ZNF8: variants seen among roughly 807,000 people sequenced by gnomAD.
The protein encoded by ZNF8 is zinc finger protein 272.
A neutral mutation model predicts 12.2 loss-of-function variants in ZNF8; 9 were observed. The observed-to-expected ratio is 0.73, with a 90% CI of 0.44 to 1.28. The LOEUF (loss-of-function observed/expected upper bound fraction) is 1.28. ZNF8 is among the 50% of genes most tolerant of loss of function. The probability of loss-of-function intolerance (pLI) is 0.00; values close to 1 mark genes in which losing one functional copy is unlikely to be tolerated. For synonymous variants in ZNF8, 274 were observed against 282.3 expected, an observed-to-expected ratio of 0.97 and a Z score of 0.30; for missense variants, 664 against 729.1, an observed-to-expected ratio of 0.91 and a Z score of 1.03.
chr19:58,279,081 C>T lies in ZNF8; in HGVS notation c.-1C>T. 1 of 1,515,486 alleles carries T rather than the reference C, an allele frequency of 6.6e-7. No individual in the cohort carries two copies. Among genetic ancestry groups the T allele is most frequent in the Non-Finnish European group, 8.9e-7 (1 of 1,125,592 alleles). The allele number at this position is 1,515,486 out of a possible 1,614,324, so 93.9% of individuals were successfully genotyped here. The stretch of plus-strand genomic sequence containing the variant: ...CGCTGTCCTTCACTGGGCGATCCAG[C>T]ATGGACCCCGAGGACGAAGGGGTAG... On this transcript the variant is annotated 5_prime_UTR_variant, in exon 1 of 4. Coordinates refer to ENST00000621650, the MANE Select transcript of ZNF8 (RefSeq NM_021089.3).
chr19:58,288,636 TTG>T (rs1309942257), intron 3 of ZNF8, among the ~76,000 whole-genome samples: 1 of 152,178 alleles, frequency 6.6e-6, no homozygotes, highest in African/African-American at 2.4e-5. Flanking sequence ...TTGCTGTGGC[TTG>T]TGTGTTGGTA....
At position 58,286,156 on chromosome 19, in the gene ZNF8, G is replaced by A; in HGVS notation, c.240G>A (p.Gly80=). ...KPEVISQLEQ[G]TELWVAERGT... is the part of the protein sequence containing the mutation. The stretch of plus-strand genomic sequence containing the variant: ...AAGTCATCTCCCAGCTGGAGCAAGG[G>A]ACCGAGCTATGGGTGGCTGAGAGAG... Residue 80 remains glycine, a synonymous_variant, in exon 3 of 4, where the codon GGG becomes GGA. Transcript: ENST00000621650. The A allele has an allele frequency of 6.2e-7, 1 of 1,614,068 alleles. No homozygotes were observed. Among genetic ancestry groups the A allele is most frequent in the Non-Finnish European group, 8.5e-7 (1 of 1,180,020 alleles).
Position 58,294,551 on chromosome 19 carries a change from C to G in ZNF8, c.743C>G (p.Thr248Arg). 6.2e-7 allele frequency: 1 copy of G among 1,614,126 alleles called. No homozygotes were observed. Among genetic ancestry groups the G allele is most frequent in the Non-Finnish European group, 8.5e-7 (1 of 1,180,018 alleles). The change falls in exon 4 of 4, where the codon ACA becomes AGA. Residue 248 changes from threonine to arginine, a missense_variant. Around this residue, in one of 3 missense-constraint regions of ZNF8, gnomAD observed 306 missense variants for 308.7 expected, o/e 0.99. Coordinates refer to ENST00000621650, the MANE Select transcript of ZNF8 (RefSeq NM_021089.3). This position sits in a 1 kb window ranked among gnomAD's most constrained non-coding sequence, Gnocchi z 5.5. ...CAGGCCATTCCAATTACGGAACTCA[C>G]AAAAAGCCAGGTGCAGGACAAACCC... The part of the protein sequence containing the change: ...SSQAIPITEL[T>R]KSQVQDKPYK...
At chr19:58,290,762 G>A (rs1269306707) in intron 3 of ZNF8, among the ~76,000 whole-genome samples, 7 of 152,072 alleles carry the variant, frequency 4.6e-5, no homozygotes, top group East Asian at 1.9e-4. Context: ...AAAAATAAAG[G>A]AAAAGAGGCC....
At chr19:58,290,372 C>T (rs990584777) in intron 3 of ZNF8, among the ~76,000 whole-genome samples, 1 of 151,848 alleles carries the variant, frequency 6.6e-6, no homozygotes, top group Non-Finnish European at 1.5e-5. Flanking sequence ...CCTTGGCCTC[C>T]CAAAGTGCTG....
chr19:58,283,502 G>A (rs1354873304), intron 1 of ZNF8, among the ~76,000 whole-genome samples: 1 of 151,714 alleles, frequency 6.6e-6, no homozygotes, highest in Non-Finnish European at 1.5e-5. Flanking sequence ...GCCATGTGAT[G>A]CCCTCCACCA....
In ZNF8 at chr19:58,295,020, G is replaced by A. The variant is rs111767827; in HGVS notation, c.1212G>A (p.Lys404=). 2.7e-5 allele frequency: 44 copies of A among 1,614,094 alleles called. No homozygotes were observed. The African/African-American group carries it at 4.0e-4, about 15-fold the overall frequency. ...CCTACGAGTGTAACCACTGCGGGAA[G>A]GGCTTCAGGCACAGCTCATCCCTGG... is the stretch of plus-strand genomic sequence containing the variant. ...ERPYECNHCG[K]GFRHSSSLAQ... is the part of the protein sequence containing the mutation. Residue 404 remains lysine (K), a synonymous_variant, in exon 4 of 4, where the codon AAG becomes AAA. Transcript: ENST00000621650.
chr19:58,283,784 A>G (rs1352726519), intron 1 of ZNF8, among the ~76,000 whole-genome samples: 2 of 151,564 alleles, frequency 1.3e-5, no homozygotes, highest in African/African-American at 4.8e-5. Flanking sequence ...TATTTTTAGT[A>G]GAGACAGGGT....
chr19:58,282,980 C>CT (rs112317260), intron 1 of ZNF8, among the ~76,000 whole-genome samples: 40,483 of 146,378 alleles, frequency 0.28, 5,997 homozygotes, highest in African/African-American at 0.4. Context: ...TTTTTCTCTT[C>CT]TTTTTTTTTT....
chr19:58,297,225 T>A lies in ZNF8; in HGVS notation c.*1689T>A, dbSNP rs1347694726. On this transcript the variant is annotated 3_prime_UTR_variant, in exon 4 of 4. Coordinates refer to ENST00000621650, the MANE Select transcript of ZNF8 (RefSeq NM_021089.3). ...TCCAGCCTGGGTGACAGAGCAAGACTCTGTCTCAGAAAAAAAAAAGAAAAG... is the reference window on the plus strand; with the variant it reads ...TCCAGCCTGGGTGACAGAGCAAGACACTGTCTCAGAAAAAAAAAAGAAAAG... The A allele has an allele frequency of 7.0e-6, 1 of 142,484 alleles. No homozygotes were observed. The highest frequency in any genetic ancestry group is 1.5e-5 in the Non-Finnish European group (1 of 64,680). The allele number at this position is 142,484 out of a possible 1,614,324, so 8.8% of individuals were successfully genotyped here. A position where few individuals can be genotyped will look rare whatever the true frequency, so the allele number is the denominator to read the frequency against.
intron 3 of ZNF8, among the ~76,000 whole-genome samples, chr19:58,291,827 G>A (rs1225720761): frequency 6.6e-6 from 1 of 152,196 alleles, no homozygotes; most frequent in Non-Finnish European, 1.5e-5. Flanking sequence ...CAGATGTCTG[G>A]GGATGAGGGT....
chr19:58,284,044 G>C (rs2051367655), intron 1 of ZNF8, among the ~76,000 whole-genome samples: 1 of 151,972 alleles, frequency 6.6e-6, no homozygotes, highest in Non-Finnish European at 1.5e-5. Context: ...CCAACATGGA[G>C]AAACCCTGTC....
intron 1 of ZNF8, chr19:58,280,049 C>G: frequency 2.6e-6 from 1 of 383,100 alleles, no homozygotes; most frequent in Non-Finnish European, 4.7e-6. Flanking sequence ...GGATGGGGGA[C>G]AAGGAATGAG....
rs1600466971 is a variant in ZNF8 at position 58,302,789 on chromosome 19, A to G, written c.*7253A>G. On this transcript the variant is annotated 3_prime_UTR_variant, in exon 4 of 4. Transcript: ENST00000621650. ...CTTGCTGGGAATAAATCCTACACAT[A>G]TATTTGTATGTGTGCAGACTGTTTG... is the stretch of plus-strand genomic sequence containing the variant. 1 of 152,194 alleles carries G rather than the reference A, an allele frequency of 6.6e-6. No homozygotes were observed. The highest frequency in any genetic ancestry group is 2.1e-4 in the South Asian group (1 of 4,834). 9.4% of individuals were successfully genotyped at this position (152,194 alleles called of 1,614,324 possible).
intron 1 of ZNF8, chr19:58,279,845 A>C: frequency 1.5e-6 from 2 of 1,357,148 alleles, no homozygotes; most frequent in Non-Finnish European, 9.7e-7. Flanking sequence ...AACAATAATT[A>C]TCCTTCCTCA....
chr19:58,295,634 T>TG lies in ZNF8; in HGVS notation c.*101dup, dbSNP rs2051450006. 9.3e-7 allele frequency: 1 copy of TG among 1,077,280 alleles called. No individual in the cohort carries two copies. The highest frequency in any genetic ancestry group is 1.3e-6 in the Non-Finnish European group (1 of 748,794). 66.7% of individuals were successfully genotyped at this position (1,077,280 alleles called of 1,614,324 possible). On this transcript the variant is annotated 3_prime_UTR_variant, in exon 4 of 4. Transcript: ENST00000621650. Reference sequence around the variant, plus strand: ...GGAGGGGCTGGGGGTAGAAATGTCATGGGTGACTTCTGACTTTCTAAGGAA... The same window carrying TG: ...GGAGGGGCTGGGGGTAGAAATGTCATGGGGTGACTTCTGACTTTCTAAGGAA...
In ZNF8 at chr19:58,300,673, A is replaced by T. The variant is rs909566619; in HGVS notation, c.*5137A>T. ...CTTGGGAGAATTGCTTGTGCTCCCTATTCCCTTGGTGGATGATGGAGGCAG... is the reference window on the plus strand; with the variant it reads ...CTTGGGAGAATTGCTTGTGCTCCCTTTTCCCTTGGTGGATGATGGAGGCAG... On this transcript the variant is annotated 3_prime_UTR_variant, in exon 4 of 4. Coordinates refer to ENST00000621650, the MANE Select transcript of ZNF8 (RefSeq NM_021089.3). 6.6e-6 allele frequency: 1 copy of T among 151,724 alleles called. No individual in the cohort carries two copies. Among genetic ancestry groups the T allele is most frequent in the Non-Finnish European group, 1.5e-5 (1 of 67,980 alleles). 9.4% of individuals were successfully genotyped at this position (151,724 alleles called of 1,614,324 possible).
intron 1 of ZNF8, among the ~76,000 whole-genome samples, chr19:58,281,675 A>G (rs2147953328): frequency 6.6e-6 from 1 of 152,326 alleles, no homozygotes. Context: ...GAAGACACAG[A>G]GACAGGAGCA....
Position 58,286,100 on chromosome 19 carries a change from C to T in ZNF8, c.194-10C>T, listed in dbSNP as rs749067286. ...AGCCCCTCACCTCCTGTGTTTTTCC[C>T]CATTTCCAGGTCCTGAGCTTCCGAA... On this transcript the variant is annotated splice_polypyrimidine_tract_variant and intron_variant, in intron 2 of 3. Coordinates refer to ENST00000621650, the MANE Select transcript of ZNF8 (RefSeq NM_021089.3). 1.2e-6 allele frequency: 2 copies of T among 1,613,288 alleles called. No homozygotes were observed. The highest frequency in any genetic ancestry group is 1.3e-5 in the African/African-American group (1 of 75,018).
Sources: gnomAD v4.1 joint callset for allele counts (sites outside exome capture counted in the v4.1 genomes callset) on GRCh38, gnomAD v4.1.1 for gene constraint, gnomAD v4.1.1 regional missense constraint, Gnocchi (gnomAD v3.1) non-coding constraint, MANE v1.5 for transcripts, NCBI Gene and HGNC (gene_info 2026-07-23, HGNC 2026-07-21) for gene names.